Variants in TFDP2 observed in about 807,000 individuals in gnomAD.
TFDP2 encodes the protein transcription factor Dp-2.
In TFDP2, 17 loss-of-function variants were observed where a neutral mutation model predicts 59.3. That is an observed-to-expected ratio of 0.29 (90% CI 0.20 to 0.43). The LOEUF (loss-of-function observed/expected upper bound fraction) is 0.43. TFDP2 is among the 20% of genes least tolerant of loss of function. TFDP2 has a pLI of 1.00. For synonymous variants in TFDP2, 180 were observed against 194.7 expected, an observed-to-expected ratio of 0.92 and a Z score of 0.63; for missense variants, 391 against 528.8, an observed-to-expected ratio of 0.74 and a Z score of 2.56.
chr3:141,954,532 G>C (rs186302033), intron 11 of TFDP2, among the ~76,000 whole-genome samples: 3 of 151,900 alleles, frequency 2.0e-5, no homozygotes, highest in African/African-American at 7.2e-5. Context: ...AGCTACTAGA[G>C]AGACTGAGGC....
chr3:142,052,321 A>T (rs1247188138), intron 3 of TFDP2, among the ~76,000 whole-genome samples: 1 of 152,036 alleles, frequency 6.6e-6, no homozygotes, highest in African/African-American at 2.4e-5. Flanking sequence ...GCAGATCACA[A>T]GGTCAGGAGA....
At chr3:141,978,812 G>T in intron 6 of TFDP2, 130 bp from the exon 7 acceptor site, 1 of 656,872 alleles carries the variant, frequency 1.5e-6, no homozygotes. Context: ...AAATTGAATA[G>T]AGATGAGAAA....
chr3:142,132,786 C>A (rs1401904499), intron 1 of TFDP2, among the ~76,000 whole-genome samples: 3 of 141,128 alleles, frequency 2.1e-5, no homozygotes, highest in South Asian at 2.2e-4. Flanking sequence ...TGAATTGTAT[C>A]TCAATAAAGC....
chr3:142,056,469 GA>G (rs149675276), intron 3 of TFDP2, among the ~76,000 whole-genome samples: 12,836 of 152,102 alleles, frequency 0.084, 681 homozygotes, highest in Middle Eastern at 0.14. Context: ...ACTAAACCCA[GA>G]AAGGCTGTCA....
At chr3:142,033,200 A>C (rs1406945870) in intron 3 of TFDP2, among the ~76,000 whole-genome samples, 2 of 152,218 alleles carry the variant, frequency 1.3e-5, no homozygotes, top group African/African-American at 2.4e-5. Context: ...GTCTTATAAA[A>C]ATAGATAAAT....
At chr3:142,108,633 T>A (rs912690025) in intron 1 of TFDP2, among the ~76,000 whole-genome samples, 1 of 152,254 alleles carries the variant, frequency 6.6e-6, no homozygotes, top group African/African-American at 2.4e-5. Context: ...TACATCGTTA[T>A]ACTGTGATTT....
intron 3 of TFDP2, among the ~76,000 whole-genome samples, chr3:142,023,365 A>G (rs1352638657): frequency 3.4e-5 from 5 of 145,360 alleles, no homozygotes; most frequent in Non-Finnish European, 7.6e-5. Flanking sequence ...TTTTTCTTGT[A>G]TTTTTAGTAG....
chr3:142,043,990 G>A (rs2108460785), intron 3 of TFDP2: 4 of 708,978 alleles, frequency 5.6e-6, no homozygotes, highest in Non-Finnish European at 1.0e-5. Flanking sequence ...GCCTTCCGGC[G>A]GGCCAAGGTC....
chr3:142,052,766 C>A (rs1220751466), intron 3 of TFDP2, among the ~76,000 whole-genome samples: 1 of 152,044 alleles, frequency 6.6e-6, no homozygotes, highest in Non-Finnish European at 1.5e-5. Context: ...GTTCCGCCTC[C>A]CAAGTAGCTG....
rs1432832322 is a variant in TFDP2 at position 141,949,510 on chromosome 3, T to A, written c.*3003A>T. 1 of 152,540 alleles carries A rather than the reference T, an allele frequency of 6.6e-6. No homozygotes were observed. Among genetic ancestry groups the A allele is most frequent in the Non-Finnish European group, 1.5e-5 (1 of 68,328 alleles). 9.4% of individuals were successfully genotyped at this position (152,540 alleles called of 1,614,324 possible). On this transcript the variant is annotated 3_prime_UTR_variant, in exon 13 of 13. Transcript: ENST00000489671. ...AGCGGGGAAGAGGAAGGCAGCCTAG[T>A]AGGCACCTGGGGCCCGTAAGCGCTG...
intron 7 of TFDP2, among the ~76,000 whole-genome samples, chr3:141,974,555 A>G (rs1312683881): frequency 1.3e-5 from 2 of 152,166 alleles, no homozygotes; most frequent in African/African-American, 4.8e-5. Context: ...AAAAGTAAAT[A>G]TGTGGGTAAA....
chr3:142,082,840 TA>T (rs1195174952), intron 3 of TFDP2, among the ~76,000 whole-genome samples: 1 of 152,018 alleles, frequency 6.6e-6, no homozygotes, highest in Admixed American at 6.6e-5. Context: ...ATACAATCCC[TA>T]AAAAACTGGG....
rs566804995 is a variant in TFDP2, at chr3:142,084,874, G to A, written c.82+8187C>T. 1.4e-4 allele frequency among the ~76,000 whole-genome samples: 21 copies of A among 151,044 alleles called. 1 individual carries two copies. In the South Asian group the frequency reaches 4.4e-3, roughly 31 times the overall value. On this transcript the variant is annotated intron_variant, in intron 3 of 12. Coordinates refer to ENST00000489671, the MANE Select transcript of TFDP2 (RefSeq NM_001178139.2). ...CAGGGGGAGTGAGGGTGATTAACGA[G>A]TACAAAAAAAAACAGAAAGAATAAA...
At chr3:142,013,354 A>T (rs1340571935) in intron 3 of TFDP2, among the ~76,000 whole-genome samples, 1 of 152,250 alleles carries the variant, frequency 6.6e-6, no homozygotes, top group South Asian at 2.1e-4. Flanking sequence ...GACAAAACTT[A>T]CTTCCATCAA....
chr3:142,022,118 A>G (rs1945664582), intron 3 of TFDP2, among the ~76,000 whole-genome samples: 1 of 152,180 alleles, frequency 6.6e-6, no homozygotes, highest in African/African-American at 2.4e-5. Context: ...ATGTCCTCAA[A>G]CAACTTGATC....
chr3:142,081,943 A>G (rs1017734171), intron 3 of TFDP2, among the ~76,000 whole-genome samples: 6 of 152,214 alleles, frequency 3.9e-5, no homozygotes, highest in Non-Finnish European at 8.8e-5. Context: ...TATTCCAAAA[A>G]GTACAGCAGG....
At chr3:142,086,342 C>A (rs1576944487) in intron 3 of TFDP2, among the ~76,000 whole-genome samples, 1 of 152,140 alleles carries the variant, frequency 6.6e-6, no homozygotes. Context: ...GGGCTCAGAG[C>A]CATAATACTG....
chr3:142,103,340 A>AT (rs940137217), intron 1 of TFDP2, among the ~76,000 whole-genome samples: 1 of 152,084 alleles, frequency 6.6e-6, no homozygotes, highest in Non-Finnish European at 1.5e-5. Flanking sequence ...GAAAAAAAAA[A>AT]CTGCTGTGAA....
chr3:141,952,779 G>A (rs1254628264), intron 12 of TFDP2, 83 bp from the exon 13 acceptor site: 2 of 1,579,220 alleles, frequency 1.3e-6, no homozygotes, highest in Non-Finnish European at 1.7e-6. Flanking sequence ...CAGGAAGGAG[G>A]TGCCATTGGT....
Sources: gnomAD v4.1 joint callset for allele counts (sites outside exome capture counted in the v4.1 genomes callset) on GRCh38, gnomAD v4.1.1 for gene constraint, MANE v1.5 for transcripts, NCBI Gene and HGNC (gene_info 2026-07-23, HGNC 2026-07-21) for gene names.